Variants in MME observed in about 807,000 individuals in gnomAD.
MME encodes neprilysin.
Under a neutral mutation model 113.2 loss-of-function variants are expected in MME, and 98 were observed. The observed-to-expected ratio is 0.87, with a 90% CI of 0.74 to 1.02. MME has a LOEUF of 1.02. Ranked by LOEUF, MME falls within the 50% of genes least tolerant of loss-of-function variation. MME has a pLI of 0.00. For missense variants in MME, 836 were observed against 896.0 expected, an observed-to-expected ratio of 0.93 and a Z score of 0.86; for synonymous variants, 292 against 300.6, an observed-to-expected ratio of 0.97 and a Z score of 0.30.
At chr3:155,073,594 T>G (rs1298111051) in intron 1 of MME, among the ~76,000 whole-genome samples, 1 of 152,148 alleles carries the variant, frequency 6.6e-6, no homozygotes, top group African/African-American at 2.4e-5. Flanking sequence ...GAAAAAAAAG[T>G]GTCCTTGTAA....
At chr3:155,036,124 A>T (rs1713119588) in intron 1 of MME, among the ~76,000 whole-genome samples, 1 of 151,918 alleles carries the variant, frequency 6.6e-6, no homozygotes, top group Non-Finnish European at 1.5e-5. Context: ...TTCCAGGAAG[A>T]CTCCAATATT....
intron 1 of MME, among the ~76,000 whole-genome samples, chr3:155,043,222 T>C (rs1211672860): frequency 6.6e-6 from 1 of 151,464 alleles, no homozygotes; most frequent in African/African-American, 2.4e-5. Context: ...TTTTAAAATT[T>C]TTGATATAGC....
chr3:155,113,156 G>A (rs1444532850), intron 3 of MME, among the ~76,000 whole-genome samples: 1 of 152,186 alleles, frequency 6.6e-6, no homozygotes, highest in Non-Finnish European at 1.5e-5. Context: ...AAAACACAAG[G>A]AGTGTTTGTG....
At chr3:155,076,929 A>G (rs1010556783), upstream of MME, among the ~76,000 whole-genome samples, 2 of 152,220 alleles carry the variant, frequency 1.3e-5, no homozygotes, top group African/African-American at 4.8e-5. Context: ...GGTCACTTTC[A>G]TGGCCATCTT....
chr3:155,130,548 A>G (rs748090243), intron 8 of MME, among the ~76,000 whole-genome samples: 1 of 152,206 alleles, frequency 6.6e-6, no homozygotes, highest in East Asian at 1.9e-4. Flanking sequence ...GGATGAGGAT[A>G]GAGGACTTGG....
chr3:155,156,436 A>G (rs1438704318), intron 16 of MME, among the ~76,000 whole-genome samples: 2 of 152,148 alleles, frequency 1.3e-5, no homozygotes, highest in South Asian at 2.1e-4. Flanking sequence ...AATTTTGTGT[A>G]TGGTGCAGAT....
rs1306911020 is a variant in MME at position 155,182,186 on chromosome 3, G to A, written c.*1727G>A. The A allele has an allele frequency of 6.6e-6, 1 of 152,158 alleles. No individual in the cohort carries two copies. Among genetic ancestry groups the A allele is most frequent in the African/African-American group, 2.4e-5 (1 of 41,446 alleles). The allele number at this position is 152,158 out of a possible 1,614,324, so 9.4% of individuals were successfully genotyped here. ...AATCAATCAGTATGTATTCTTTTGT[G>A]CCTGGCTTCTTTCTCTCAGCCTTAC... On this transcript the variant is annotated 3_prime_UTR_variant, in exon 23 of 23. Transcript: ENST00000360490.
At position 155,084,341 on chromosome 3, in the gene MME, A is replaced by T; in HGVS notation, c.160+14A>T. The T allele has an allele frequency of 1.2e-6, 2 of 1,613,488 alleles. No homozygotes were observed. The highest frequency in any genetic ancestry group is 1.7e-6 in the Non-Finnish European group (2 of 1,179,476). On this transcript the variant is annotated intron_variant, in intron 2 of 22. Transcript: ENST00000360490. Reference sequence around the variant, plus strand: ...CAACCTACGATGGTGAGTTACTCCCACACCTGTGCATCCATAAGTGCAAAA... The same window carrying T: ...CAACCTACGATGGTGAGTTACTCCCTCACCTGTGCATCCATAAGTGCAAAA...
intron 3 of MME, 54 bp from the exon 4 acceptor site, chr3:155,114,940 G>A: frequency 6.3e-7 from 1 of 1,583,602 alleles, no homozygotes; most frequent in South Asian, 1.1e-5. Flanking sequence ...CTCCTTTTAA[G>A]CCTCTTAAGA....
Position 155,116,773 on chromosome 3 carries a change from C to G in MME, c.535+14C>G. The G allele has an allele frequency of 6.2e-7, 1 of 1,606,396 alleles. No individual in the cohort carries two copies. Among genetic ancestry groups the G allele is most frequent in the Non-Finnish European group, 8.5e-7 (1 of 1,173,436 alleles). On this transcript the variant is annotated intron_variant, in intron 6 of 22. Transcript: ENST00000360490. ...AGCAAAAATATGGTAAGGCAATTTT[C>G]CTACTAAAAAAGAAATTTCCATGTA...
Position 155,168,766 on chromosome 3 carries a change from C to A in MME, c.1949C>A (p.Ala650Asp). Residue 650 changes from alanine to aspartate, a missense_variant, in exon 20 of 23, where the codon GCT (alanine) becomes GAT (aspartate). By Grantham distance (126) the Ala-to-Asp change is moderately radical. Coordinates refer to ENST00000360490, the MANE Select transcript of MME (RefSeq NM_007289.4). ...ATTAATACACTGGGAGAAAACATTG[C>A]TGATAATGGAGGTCTTGGTCAAGCA... ...NGINTLGENI[A>D]DNGGLGQAYR... 1 of 1,613,074 alleles carries A rather than the reference C, an allele frequency of 6.2e-7. No homozygotes were observed. The highest frequency in any genetic ancestry group is 8.5e-7 in the Non-Finnish European group (1 of 1,179,342).
intron 20 of MME, among the ~76,000 whole-genome samples, chr3:155,171,664 T>C (rs1446355190): frequency 1.9e-4 from 29 of 152,152 alleles, no homozygotes; most frequent in Admixed American, 1.9e-3. Flanking sequence ...CTCAAGAGAA[T>C]CCTTTGACTT....
intron 3 of MME, among the ~76,000 whole-genome samples, chr3:155,094,495 T>C (rs886424467): frequency 1.3e-5 from 2 of 152,232 alleles, no homozygotes; most frequent in African/African-American, 4.8e-5. Flanking sequence ...AAATTTTTTA[T>C]TGAGAATCAA....
At position 155,135,482 on chromosome 3, in the gene MME, C is replaced by G. The variant is rs528527628; in HGVS notation, c.721-2620C>G. 5.1e-5 allele frequency among the ~76,000 whole-genome samples: 7 copies of G among 137,506 alleles called. No individual in the cohort carries two copies. In the South Asian group the frequency reaches 1.3e-3, roughly 26 times the overall value. 90.2% of individuals were successfully genotyped at this position (137,506 alleles called of 152,430 possible). On this transcript the variant is annotated intron_variant, in intron 8 of 22. Transcript: ENST00000360490. ...TTACTTCTGTGTTCTCTATCCTGTT[C>G]CATTGGTCTGTGTGTCTATTTGTGT...
chr3:155,097,235 G>A (rs1056697719), intron 3 of MME, among the ~76,000 whole-genome samples: 1 of 152,138 alleles, frequency 6.6e-6, no homozygotes, highest in African/African-American at 2.4e-5. Flanking sequence ...ATAAAGATTC[G>A]GGGGTCATCA....
rs542404034 is a variant in MME at position 155,066,988 on chromosome 3, C to T, written c.-10-17170C>T. Among the ~76,000 whole-genome samples, 63 of 152,106 alleles carry T rather than the reference C, an allele frequency of 4.1e-4. No individual in the cohort carries two copies. In the South Asian group the frequency reaches 4.8e-3, roughly 12 times the overall value. On this transcript the variant is annotated intron_variant, in intron 1 of 22. Transcript: ENST00000492661. ...ACCATCTCACCTCCTAACATTAGAA[C>T]GCATAGCATGTTTTAGAACTCACCG...
At chr3:155,036,180 A>G (rs1713121338) in intron 1 of MME, among the ~76,000 whole-genome samples, 1 of 152,190 alleles carries the variant, frequency 6.6e-6, no homozygotes, top group South Asian at 2.1e-4. Context: ...ATGTTGTGAT[A>G]AGCAGAATTG....
intron 16 of MME, among the ~76,000 whole-genome samples, chr3:155,156,409 A>G (rs1722310874): frequency 6.6e-6 from 1 of 152,194 alleles, no homozygotes; most frequent in Non-Finnish European, 1.5e-5. Context: ...AGAAAATGGC[A>G]TTAATCCCTG....
chr3:155,130,628 A>G (rs1720065274), intron 8 of MME, among the ~76,000 whole-genome samples: 1 of 152,166 alleles, frequency 6.6e-6, no homozygotes, highest in Non-Finnish European at 1.5e-5. Context: ...CAGAAAAGCC[A>G]GGAGAAGTCT....
Sources: allele counts gnomAD v4.1 joint callset (sites outside exome capture counted in the v4.1 genomes callset), GRCh38; gene constraint gnomAD v4.1.1; transcripts MANE v1.5; gene names NCBI Gene and HGNC (gene_info 2026-07-23, HGNC 2026-07-21).